Variants in KAZN observed in about 807,000 individuals in gnomAD.
The protein encoded by KAZN is kazrin, periplakin interacting protein, also known as kazrin.
KAZN carries 40 observed loss-of-function variants against 87.4 expected under a neutral mutation model. The ratio of observed to expected loss-of-function variants is 0.46; its 90% confidence interval spans 0.36 to 0.60. The LOEUF is 0.60. KAZN is among the 20% of genes least tolerant of loss of function. KAZN has a pLI of 0.00. For synonymous variants in KAZN, 466 were observed against 458.3 expected, an observed-to-expected ratio of 1.02 and a Z score of -0.22; for missense variants, 898 against 1,073.9, an observed-to-expected ratio of 0.84 and a Z score of 2.29.
rs1240604529 is a variant in KAZN at position 15,048,761 on chromosome 1, GGTCGTCGA to G, written c.726+4603_726+4610del. Among the ~76,000 whole-genome samples the G allele has an allele frequency of 1.1e-4, 16 of 146,896 alleles. 1 individual carries two copies. Among genetic ancestry groups the G allele is most frequent in the East Asian group, 6.4e-4 (3 of 4,680 alleles). ...CGTCGATCCTGGGTCGTCGATCCTG[GGTCGTCGA>G]TCCTGGGTCGTTGATCCTTGGTCAT... On this transcript the variant is annotated intron_variant, in intron 4 of 14. Coordinates refer to ENST00000376030, the MANE Select transcript of KAZN (RefSeq NM_201628.3).
At chr1:15,046,679 G>A (rs557748057) in intron 4 of KAZN, among the ~76,000 whole-genome samples, 3 of 152,330 alleles carry the variant, frequency 2.0e-5, no homozygotes, top group South Asian at 2.1e-4. Flanking sequence ...CAGGATCCGT[G>A]GGCCTAGCCT....
intron 1 of KAZN, among the ~76,000 whole-genome samples, chr1:14,959,851 A>G (rs1352827798): frequency 1.3e-5 from 2 of 152,114 alleles, no homozygotes; most frequent in Non-Finnish European, 2.9e-5. Flanking sequence ...CTTGGTTGAC[A>G]CGGCTCTCAC....
chr1:13,918,521 C>T (rs961290855), intron 1 of KAZN, among the ~76,000 whole-genome samples: 1 of 152,192 alleles, frequency 6.6e-6, no homozygotes, highest in Non-Finnish European at 1.5e-5. Flanking sequence ...GAAATGACAA[C>T]AAAAGATTTG....
chr1:14,618,137 G>A (rs1678398512), intron 1 of KAZN, among the ~76,000 whole-genome samples: 1 of 152,230 alleles, frequency 6.6e-6, no homozygotes, highest in Admixed American at 6.5e-5. Context: ...GATGGCAGCT[G>A]AGTCCGGCGC....
chr1:14,750,198 G>GT (rs902946780), intron 1 of KAZN, among the ~76,000 whole-genome samples: 2 of 151,944 alleles, frequency 1.3e-5, no homozygotes, highest in African/African-American at 4.8e-5. Flanking sequence ...CATAATGAAA[G>GT]TTTTTTTAAA....
chr1:14,529,219 G>A (rs1342048155), intron 2 of KAZN, among the ~76,000 whole-genome samples: 8 of 152,234 alleles, frequency 5.3e-5, no homozygotes, highest in South Asian at 2.1e-4. Flanking sequence ...CAGGAGAATC[G>A]CTTGAACCTG....
intron 1 of KAZN, among the ~76,000 whole-genome samples, chr1:14,079,936 C>T (rs1331874095): frequency 6.7e-6 from 1 of 148,622 alleles, no homozygotes; most frequent in Non-Finnish European, 1.5e-5. Flanking sequence ...ATGACATTTG[C>T]AGGGGACAGA....
intron 2 of KAZN, among the ~76,000 whole-genome samples, chr1:14,191,807 G>A (rs1477545328): frequency 1.3e-5 from 2 of 152,124 alleles, no homozygotes; most frequent in Non-Finnish European, 2.9e-5. Flanking sequence ...AGTGGAAACT[G>A]CACAGCAGCT....
chr1:13,920,296 C>T (rs1460971397), intron 1 of KAZN, among the ~76,000 whole-genome samples: 3 of 149,470 alleles, frequency 2.0e-5, no homozygotes, highest in Non-Finnish European at 3.0e-5. Flanking sequence ...CTGAAGTGCT[C>T]TTTTTGCCAT....
At chr1:14,193,116 TCTC>T (rs1166784989) in intron 2 of KAZN, among the ~76,000 whole-genome samples, 1 of 152,114 alleles carries the variant, frequency 6.6e-6, no homozygotes, top group Non-Finnish European at 1.5e-5. Flanking sequence ...CCCCTGTACT[TCTC>T]CTTCCTGCCG....
At chr1:14,313,707 A>C (rs771841976) in intron 2 of KAZN, among the ~76,000 whole-genome samples, 11 of 152,140 alleles carry the variant, frequency 7.2e-5, no homozygotes, top group Non-Finnish European at 1.5e-4. Flanking sequence ...TATCATCTAG[A>C]TCATCATCAC....
intron 1 of KAZN, among the ~76,000 whole-genome samples, chr1:13,974,471 A>C (rs907705253): frequency 1.3e-5 from 2 of 152,182 alleles, no homozygotes; most frequent in Non-Finnish European, 2.9e-5. Context: ...TTAATTAAGG[A>C]TCTTGGGATG....
At chr1:14,951,336 C>G (rs1662459074) in intron 1 of KAZN, among the ~76,000 whole-genome samples, 1 of 152,120 alleles carries the variant, frequency 6.6e-6, no homozygotes, top group South Asian at 2.1e-4. Flanking sequence ...TGGGTACCTG[C>G]TTTGTTGAAT....
intron 2 of KAZN, among the ~76,000 whole-genome samples, chr1:14,271,162 T>C (rs1324599538): frequency 1.3e-5 from 2 of 152,228 alleles, no homozygotes; most frequent in African/African-American, 2.4e-5. Context: ...TGTATGTCTG[T>C]GTCCTATCTT....
intron 2 of KAZN, among the ~76,000 whole-genome samples, chr1:14,267,529 C>T (rs1246954096): frequency 6.6e-6 from 1 of 152,102 alleles, no homozygotes; most frequent in Non-Finnish European, 1.5e-5. Flanking sequence ...TATACAAATA[C>T]TATACCGTTT....
intron 2 of KAZN, among the ~76,000 whole-genome samples, chr1:14,278,320 T>A (rs1369410599): frequency 1.3e-5 from 2 of 149,328 alleles, no homozygotes; most frequent in Non-Finnish European, 3.0e-5. Context: ...AGATGGAGTC[T>A]TGCTCTGTCG....
intron 1 of KAZN, among the ~76,000 whole-genome samples, chr1:14,140,307 T>C (rs6699505): frequency 0.56 from 84,647 of 151,864 alleles, 25,014 homozygotes; most frequent in East Asian, 0.72. Flanking sequence ...ATAAGACACA[T>C]GGCTATGAGG....
At position 14,378,037 on chromosome 1, in the gene KAZN, AT is replaced by A. The variant is rs531123937; in HGVS notation, c.249+197453del. ...TGCTGGAGCCAGAATTTTTAAATGT[AT>A]TTTTTTTCATGTATTTGTTTATTAA... On this transcript the variant is annotated intron_variant, in intron 2 of 16. Transcript: ENST00000636203. 7.6e-4 allele frequency among the ~76,000 whole-genome samples: 116 copies of A among 152,116 alleles called. 1 individual carries two copies. Among genetic ancestry groups the A allele is most frequent in the Middle Eastern group, 3.4e-3 (1 of 294 alleles).
chr1:15,086,791 G>A (rs1301961148), intron 8 of KAZN, among the ~76,000 whole-genome samples: 2 of 152,212 alleles, frequency 1.3e-5, no homozygotes, highest in African/African-American at 4.8e-5. Flanking sequence ...ATGGCATTAG[G>A]ATATTGAACA....
Sources: gnomAD v4.1 joint callset for allele counts (sites outside exome capture counted in the v4.1 genomes callset) on GRCh38, gnomAD v4.1.1 for gene constraint, MANE v1.5 for transcripts, NCBI Gene and HGNC (gene_info 2026-07-23, HGNC 2026-07-21) for gene names.